Variants in MIGA1 observed in about 807,000 individuals in gnomAD.
MIGA1 encodes family with sequence similarity 73, member A.
In MIGA1, 58 loss-of-function variants were observed where a neutral mutation model predicts 82.0. The observed-to-expected ratio is 0.71, with a 90% confidence interval of 0.57 to 0.88. MIGA1 has a LOEUF of 0.88. Ranked by LOEUF, MIGA1 falls within the 40% of genes least tolerant of loss-of-function variation. The pLI, the probability that MIGA1 is intolerant of heterozygous loss-of-function variation, is 0.00. For missense variants in MIGA1, 751 were observed against 749.1 expected, an observed-to-expected ratio of 1.00 and a Z score of -0.03; for synonymous variants, 249 against 253.6, an observed-to-expected ratio of 0.98 and a Z score of 0.17.
chr1:77,811,036 T>C (rs1340954019), intron 5 of MIGA1: 1 of 1,613,308 alleles, frequency 6.2e-7, no homozygotes, highest in African/African-American at 1.3e-5. Context: ...AAACCTTTTT[T>C]TAGGCTTGTA....
Position 77,801,406 on chromosome 1 carries a change from C to T in MIGA1, c.271C>T (p.His91Tyr), listed in dbSNP as rs1186590704. 2 of 1,607,266 alleles carry T rather than the reference C, an allele frequency of 1.2e-6. No homozygotes were observed. The highest frequency in any genetic ancestry group is 1.7e-4 in the Middle Eastern group (1 of 6,018). Residue 91 changes from histidine (H) to tyrosine (Y), a missense_variant, in exon 3 of 16, where the codon CAT (histidine) becomes TAT (tyrosine). By Grantham distance (83) the His-to-Tyr change is moderately conservative. Around this residue, in one of 3 missense-constraint regions of MIGA1, gnomAD observed 482 missense variants for 439.4 expected, o/e 1.10. Transcript: ENST00000370791. ...TGCTATATCTGTAATTTTTCTGGCT[C>T]ATCACTTTAAAAGAAAACGTGGAAA...
chr1:77,813,191 A>G (rs1683415349), intron 5 of MIGA1, among the ~76,000 whole-genome samples: 1 of 152,132 alleles, frequency 6.6e-6, no homozygotes, highest in African/African-American at 2.4e-5. Context: ...CATGTTGGCC[A>G]GGCTGGTCTC....
intron 1 of MIGA1, chr1:77,780,264 G>T: frequency 2.9e-6 from 2 of 685,044 alleles, no homozygotes; most frequent in Non-Finnish European, 3.6e-6. Context: ...GCTTTTGGAT[G>T]TGAAAGATTA....
At chr1:77,827,047 T>C (rs145567133) in intron 7 of MIGA1, among the ~76,000 whole-genome samples, 1,839 of 152,028 alleles carry the variant, frequency 0.012, 43 homozygotes, top group South Asian at 0.1. Context: ...CCTCAGGTGA[T>C]CCACTCAGCT....
rs34847707 is a variant in MIGA1 at position 77,815,140 on chromosome 1, C to T, written c.804C>T (p.Leu268=). 4.3e-3 allele frequency: 6,863 copies of T among 1,598,772 alleles called. 30 individuals carry two copies. The highest frequency in any genetic ancestry group is 4.6e-3 in the Non-Finnish European group (5,381 of 1,170,336). ...TTAGTACTGAATTTATCCATAAACT[C>T]GAAGCTCTGCTGCAAAGAGCCTATC... The change falls in exon 7 of 16, where the codon CTC becomes CTT. Residue 268 remains leucine, a synonymous_variant. Transcript: ENST00000370791.
chr1:77,784,710 G>A (rs1433102415), intron 2 of MIGA1, among the ~76,000 whole-genome samples: 4 of 152,068 alleles, frequency 2.6e-5, no homozygotes, highest in Non-Finnish European at 5.9e-5. Context: ...ATATTAGTCC[G>A]TTTTCATGCT....
intron 6 of MIGA1, among the ~76,000 whole-genome samples, chr1:77,814,780 G>C (rs1157402439): frequency 6.6e-6 from 1 of 152,182 alleles, no homozygotes; most frequent in Non-Finnish European, 1.5e-5. Context: ...TAGGACTGGG[G>C]TGGATCCTAA....
intron 7 of MIGA1, among the ~76,000 whole-genome samples, chr1:77,823,325 A>G (rs1683901985): frequency 6.6e-6 from 1 of 152,182 alleles, no homozygotes; most frequent in Non-Finnish European, 1.5e-5. Flanking sequence ...AAAAACATAT[A>G]GTATGGTTCT....
At chr1:77,847,691 C>T (rs1684896865) in intron 8 of MIGA1, 3 of 1,579,554 alleles carry the variant, frequency 1.9e-6, no homozygotes, top group East Asian at 4.5e-5. Context: ...TTTATAGACA[C>T]TTACTAAATC....
chr1:77,803,821 A>G lies in MIGA1; in HGVS notation c.510+415A>G, dbSNP rs564978613. 7.2e-5 allele frequency among the ~76,000 whole-genome samples: 11 copies of G among 152,282 alleles called. No homozygotes were observed. In the South Asian group the frequency reaches 2.3e-3, roughly 32 times the overall value. ...AATGGGTAAAAAAATATAGGCAGAT[A>G]GAATAAATAGGATCTAGTGTTTGAT... On this transcript the variant is annotated intron_variant, in intron 4 of 15. Coordinates refer to ENST00000370791, the MANE Select transcript of MIGA1 (RefSeq NM_198549.4).
chr1:77,836,853 T>G (rs1223132768), intron 7 of MIGA1, among the ~76,000 whole-genome samples: 1 of 152,168 alleles, frequency 6.6e-6, no homozygotes, highest in Non-Finnish European at 1.5e-5. Context: ...GGTAGGATAA[T>G]CAGAGATAAT....
chr1:77,834,001 A>T (rs72685316), intron 7 of MIGA1, among the ~76,000 whole-genome samples: 1 of 152,196 alleles, frequency 6.6e-6, no homozygotes, highest in South Asian at 2.1e-4. Context: ...TTTGATAAAT[A>T]GGGAATGCCA....
Position 77,858,928 on chromosome 1 carries a change from G to T in MIGA1, c.997-10G>T, listed in dbSNP as rs756477535. Reference sequence around the variant, plus strand: ...AGCCTGTATTCTGTTCTAACCCACCGTGCTCTTAGCTTGCAGAACACAGAG... The same window carrying T: ...AGCCTGTATTCTGTTCTAACCCACCTTGCTCTTAGCTTGCAGAACACAGAG... On this transcript the variant is annotated splice_polypyrimidine_tract_variant and intron_variant, in intron 8 of 15. Coordinates refer to ENST00000370791, the MANE Select transcript of MIGA1 (RefSeq NM_198549.4). 1.3e-6 allele frequency: 2 copies of T among 1,522,096 alleles called. No individual in the cohort carries two copies. The highest frequency in any genetic ancestry group is 2.3e-5 in the East Asian group (1 of 44,426). 94.3% of individuals were successfully genotyped at this position (1,522,096 alleles called of 1,614,324 possible). A position where few individuals can be genotyped will look rare whatever the true frequency, so the allele number is the denominator to read the frequency against.
Position 77,813,878 on chromosome 1 carries a change from T to C in MIGA1, c.771+11T>C. On this transcript the variant is annotated intron_variant, in intron 6 of 15. Transcript: ENST00000370791. ...GAAGAAAATGTAGATGTAAGGGTGA[T>C]TGATTTGAGTGGTCTTCATAATATT... 1 of 1,613,014 alleles carries C rather than the reference T, an allele frequency of 6.2e-7. No individual in the cohort carries two copies.
intron 7 of MIGA1, among the ~76,000 whole-genome samples, chr1:77,832,677 G>C (rs1467863796): frequency 1.3e-5 from 2 of 152,178 alleles, no homozygotes; most frequent in African/African-American, 4.8e-5. Flanking sequence ...TCTTTGATAT[G>C]TTTTGGAAAC....
At chr1:77,840,054 G>A (rs3927773) in intron 7 of MIGA1, among the ~76,000 whole-genome samples, 1 of 152,186 alleles carries the variant, frequency 6.6e-6, no homozygotes. Context: ...ACACTTTTAA[G>A]AAAGAGTATT....
chr1:77,857,331 T>G (rs919455299), intron 8 of MIGA1, among the ~76,000 whole-genome samples: 6 of 151,980 alleles, frequency 3.9e-5, no homozygotes, highest in Non-Finnish European at 7.4e-5. Flanking sequence ...GGTTTTTTTT[T>G]TTTTGTTTTT....
At chr1:77,811,402 T>C in intron 5 of MIGA1, 1 of 1,599,292 alleles carries the variant, frequency 6.3e-7, no homozygotes, top group Non-Finnish European at 8.6e-7. Context: ...TTCCAAATTC[T>C]CTTCTTCACC....
Position 77,800,345 on chromosome 1 carries a change from A to T in MIGA1, c.196-986A>T, listed in dbSNP as rs367662523. On this transcript the variant is annotated intron_variant, in intron 2 of 15. Transcript: ENST00000370791. Reference sequence around the variant, plus strand: ...TTGCTGACCTCTTCTTGCTAACGTCATGCTATGTCTTGTCCGTGTAAGCCA... The same window carrying T: ...TTGCTGACCTCTTCTTGCTAACGTCTTGCTATGTCTTGTCCGTGTAAGCCA... Among the ~76,000 whole-genome samples the T allele has an allele frequency of 1.3e-4, 20 of 152,284 alleles. No homozygotes were observed. The South Asian group carries it at 3.5e-3, about 27-fold the overall frequency.
Sources: gnomAD v4.1 joint callset for allele counts (sites outside exome capture counted in the v4.1 genomes callset) on GRCh38, gnomAD v4.1.1 for gene constraint, gnomAD v4.1.1 regional missense constraint, MANE v1.5 for transcripts, NCBI Gene and HGNC (gene_info 2026-07-23, HGNC 2026-07-21) for gene names.